The following TTLL10 variants were observed in gnomAD, a reference collection of about 807,000 sequenced individuals.
TTLL10 encodes the protein tubulin tyrosine ligase like 10.
TTLL10 carries 61 observed loss-of-function variants against 69.0 expected under a neutral mutation model. The observed-to-expected ratio is 0.88, with a 90% confidence interval of 0.72 to 1.09. The LOEUF (loss-of-function observed/expected upper bound fraction) is 1.09. Among genes scored for constraint, TTLL10 ranks in the 50% least tolerant of loss-of-function variants. The pLI is 0.00. For missense variants in TTLL10, 962 were observed against 945.9 expected (o/e 1.02, Z -0.22); for synonymous variants, 408 against 393.3 (o/e 1.04, Z -0.44).
chr1:1,196,492 C>T (rs1398702498), intron 13 of TTLL10, 108 bp from the exon 14 acceptor site: 15 of 788,656 alleles, frequency 1.9e-5, no homozygotes, highest in African/African-American at 3.4e-5. Flanking sequence ...TGTACAGGTG[C>T]GGGTTCAGAT....
At chr1:1,180,409 G>A (rs146653370) in intron 6 of TTLL10, 69 bp downstream of exon 6, 16,539 of 1,540,580 alleles carry the variant, frequency 0.011, 139 homozygotes, top group Non-Finnish European at 0.013. Flanking sequence ...GCCCAGCCCG[G>A]CCTCCGCTGG....
At position 1,186,288 on chromosome 1, in the gene TTLL10, C is replaced by T. The variant is rs539366866; in HGVS notation, c.1401+1179C>T. On this transcript the variant is annotated intron_variant, in intron 13 of 15. Coordinates refer to ENST00000379289, the MANE Select transcript of TTLL10 (RefSeq NM_001130045.2). ...ATTTTTAGTAGAGATGGGGTTTTGC[C>T]GTGTTGGCCAGGCTGGTCTCAAACT... Among the ~76,000 whole-genome samples, 400 of 152,192 alleles carry T rather than the reference C, an allele frequency of 2.6e-3. 3 individuals are homozygous for T. Among genetic ancestry groups the T allele is most frequent in the African/African-American group, 9.1e-3 (378 of 41,522 alleles).
intron 6 of TTLL10, 59 bp downstream of exon 6, chr1:1,180,399 G>A: frequency 1.9e-6 from 3 of 1,539,680 alleles, no homozygotes; most frequent in South Asian, 1.2e-5. Flanking sequence ...TGCTCCCGGG[G>A]CCCAGCCCGG....
In TTLL10 at chr1:1,197,881, G is replaced by A. The variant is rs140292943; in HGVS notation, c.*34G>A. The A allele has an allele frequency of 1.2e-3, 1,690 of 1,396,078 alleles. 3 individuals are homozygous for A. Among genetic ancestry groups the A allele is most frequent in the Middle Eastern group, 8.7e-3 (34 of 3,900 alleles). The allele number at this position is 1,396,078 out of a possible 1,614,324, so 86.5% of individuals were successfully genotyped here. ...ACCCGCGCCCAGCGCCCCGCGCCCCGCGCCCCAGCCGTGCTGCCTGCCCTC... is the reference window on the plus strand; with the variant it reads ...ACCCGCGCCCAGCGCCCCGCGCCCCACGCCCCAGCCGTGCTGCCTGCCCTC... On this transcript the variant is annotated 3_prime_UTR_variant, in exon 16 of 16. Coordinates refer to ENST00000379289, the MANE Select transcript of TTLL10 (RefSeq NM_001130045.2).
In TTLL10 at chr1:1,196,376, G is replaced by T. The variant is rs142225534; in HGVS notation, c.1402-224G>T. The T allele has an allele frequency of 9.3e-6, 5 of 535,756 alleles. No individual in the cohort carries two copies. In the Admixed American group the frequency reaches 1.6e-4, roughly 17 times the overall value. The allele number at this position is 535,756 out of a possible 1,614,324, so 33.2% of individuals were successfully genotyped here. ...TTTCCTGTGAGTTTTCCTCACTCTCGTATCTCCAGTGCCTGACACAGGACA... is the reference window on the plus strand; with the variant it reads ...TTTCCTGTGAGTTTTCCTCACTCTCTTATCTCCAGTGCCTGACACAGGACA... On this transcript the variant is annotated intron_variant, in intron 13 of 15. Transcript: ENST00000379289.
intron 3 of TTLL10, among the ~76,000 whole-genome samples, chr1:1,177,705 G>A (rs969445550): frequency 1.3e-5 from 2 of 152,238 alleles, no homozygotes; most frequent in African/African-American, 2.4e-5. Context: ...TACTTTAGAG[G>A]ATCCCCTTCC....
chr1:1,187,351 C>T (rs1435096737), intron 13 of TTLL10, among the ~76,000 whole-genome samples: 1 of 152,062 alleles, frequency 6.6e-6, no homozygotes, highest in Non-Finnish European at 1.5e-5. Flanking sequence ...TCCATTGTGC[C>T]AGGTGCGGTG....
Position 1,185,449 on chromosome 1 carries a change from G to T in TTLL10, c.1401+340G>T, listed in dbSNP as rs1385253696. 2.7e-6 allele frequency: 3 copies of T among 1,108,456 alleles called. No homozygotes were observed. The highest frequency in any genetic ancestry group is 3.3e-5 in the South Asian group (1 of 30,074). 68.7% of individuals were successfully genotyped at this position (1,108,456 alleles called of 1,614,324 possible). ...TCCTTTCAGATCCTCCACTTGGCAG[G>T]CAGGGCCAACAGCAGCCCCCGGGCC... On this transcript the variant is annotated intron_variant, in intron 13 of 15. Coordinates refer to ENST00000379289, the MANE Select transcript of TTLL10 (RefSeq NM_001130045.2). This position sits in a 1 kb window ranked among gnomAD's most constrained non-coding sequence, Gnocchi z 6.1.
rs535703637 is a variant in TTLL10 at position 1,180,941 on chromosome 1, C to A, written c.755+81C>A. ...TGCCCCTGCCCCTGCACCCGCCCCA[C>A]CCCTGCCCCTGCGCCCGCCCCTGCC... is the stretch of plus-strand genomic sequence containing the variant. On this transcript the variant is annotated intron_variant, in intron 8 of 15. Transcript: ENST00000379289. 4.7e-5 allele frequency: 61 copies of A among 1,300,534 alleles called. No homozygotes were observed. The African/African-American group carries it at 9.1e-4, about 20-fold the overall frequency. The allele number at this position is 1,300,534 out of a possible 1,614,324, so 80.6% of individuals were successfully genotyped here.
chr1:1,195,868 C>G (rs1271895589), intron 13 of TTLL10, among the ~76,000 whole-genome samples: 1 of 152,118 alleles, frequency 6.6e-6, no homozygotes, highest in African/African-American at 2.4e-5. Context: ...TCTCAGACTC[C>G]TGAGCTCAAG....
chr1:1,178,731 G>A (rs111388390), intron 3 of TTLL10, among the ~76,000 whole-genome samples: 3,311 of 152,156 alleles, frequency 0.022, 53 homozygotes, highest in Non-Finnish European at 0.028. Flanking sequence ...ACCCAGGGGC[G>A]GCCGCAGAGG....
chr1:1,187,705 G>A (rs1372146719), intron 13 of TTLL10, among the ~76,000 whole-genome samples: 1 of 152,118 alleles, frequency 6.6e-6, no homozygotes. Context: ...AGGAGTTTGA[G>A]ACCAGCCTGG....
At position 1,197,199 on chromosome 1, in the gene TTLL10, GC is replaced by G; in HGVS notation, c.1612+18del. ...ATCGAGACCCTGGGTGAGCCTCCAA[GC>G]CCCCACCCCACACCCCCACAACCTG... On this transcript the variant is annotated intron_variant, in intron 15 of 15. Transcript: ENST00000379289. 1 of 1,547,646 alleles carries G rather than the reference GC, an allele frequency of 6.5e-7. No homozygotes were observed. Among genetic ancestry groups the G allele is most frequent in the Non-Finnish European group, 8.7e-7 (1 of 1,145,230 alleles).
In TTLL10 at chr1:1,183,055, G is replaced by A. The variant is rs1396319304; in HGVS notation, c.1088+8G>A. On this transcript the variant is annotated splice_region_variant and intron_variant, in intron 11 of 15. Coordinates refer to ENST00000379289, the MANE Select transcript of TTLL10 (RefSeq NM_001130045.2). ...GGCGCGGGTGGTGCAGAGGTGCGGC[G>A]GCGGGTGCCCGGAGGGGTGAGGGTC... The A allele has an allele frequency of 7.5e-6, 12 of 1,590,304 alleles. No individual in the cohort carries two copies. The highest frequency in any genetic ancestry group is 1.7e-4 in the Middle Eastern group (1 of 5,954).
chr1:1,197,869 G>GC lies in TTLL10; in HGVS notation c.*26dup. On this transcript the variant is annotated 3_prime_UTR_variant, in exon 16 of 16. Coordinates refer to ENST00000379289, the MANE Select transcript of TTLL10 (RefSeq NM_001130045.2). Reference sequence around the variant, plus strand: ...CTAGGGGCAGCCACCCGCGCCCAGCGCCCCGCGCCCCGCGCCCCAGCCGTG... The same window carrying GC: ...CTAGGGGCAGCCACCCGCGCCCAGCGCCCCCGCGCCCCGCGCCCCAGCCGTG... The GC allele has an allele frequency of 1.4e-6, 2 of 1,399,934 alleles. No individual in the cohort carries two copies. Among genetic ancestry groups the GC allele is most frequent in the South Asian group, 1.6e-5 (1 of 63,094 alleles). The allele number at this position is 1,399,934 out of a possible 1,614,324, so 86.7% of individuals were successfully genotyped here.
At chr1:1,184,636 C>T (rs994434278) in intron 12 of TTLL10, among the ~76,000 whole-genome samples, 7 of 152,188 alleles carry the variant, frequency 4.6e-5, no homozygotes, top group African/African-American at 1.7e-4. Context: ...GCGGCTGTCT[C>T]AGGGACCCCC....
intron 8 of TTLL10, 38 bp downstream of exon 8, chr1:1,180,898 C>A: frequency 1.1e-5 from 16 of 1,507,468 alleles, no homozygotes; most frequent in Non-Finnish European, 1.3e-5. Context: ...TCCCTGCGCC[C>A]GCCCCTACGC....
intron 14 of TTLL10, 75 bp downstream of exon 14, chr1:1,196,791 C>A: frequency 9.2e-7 from 1 of 1,086,004 alleles, no homozygotes; most frequent in Non-Finnish European, 1.4e-6. Flanking sequence ...CCTGACCACA[C>A]TGGCAGGCCC....
Position 1,173,950 on chromosome 1 carries a change from GCTGGGGTCCAGTGGGCT to G in TTLL10, c.-131+26_-131+42del, listed in dbSNP as rs1646808876. 1 of 152,376 alleles carries G rather than the reference GCTGGGGTCCAGTGGGCT, an allele frequency of 6.6e-6. No individual in the cohort carries two copies. The highest frequency in any genetic ancestry group is 1.5e-5 in the Non-Finnish European group (1 of 68,150). 9.4% of individuals were successfully genotyped at this position (152,376 alleles called of 1,614,324 possible). A position where few individuals can be genotyped will look rare whatever the true frequency, so the allele number is the denominator to read the frequency against. On this transcript the variant is annotated intron_variant, in intron 1 of 15. Transcript: ENST00000379289. This position sits in a 1 kb window ranked among gnomAD's most constrained non-coding sequence, Gnocchi z 4.1. ...AGGTAAGAAGCGCCGGCGGCCACCA[GCTGGGGTCCAGTGGGCT>G]CGGCCCCGCCCTCCTACGCCCTGCC...
Sources: allele counts gnomAD v4.1 joint callset (sites outside exome capture counted in the v4.1 genomes callset), GRCh38; gene constraint gnomAD v4.1.1; non-coding constraint Gnocchi (gnomAD v3.1); transcripts MANE v1.5; gene names NCBI Gene and HGNC (gene_info 2026-07-23, HGNC 2026-07-21).